LRRC4C: variants seen among roughly 807,000 people sequenced by gnomAD.
The protein encoded by LRRC4C is leucine rich repeat containing 4C.
A neutral mutation model predicts 33.6 loss-of-function variants in LRRC4C; 5 were observed. The observed-to-expected ratio is 0.15, with a 90% CI of 0.08 to 0.31. The LOEUF (loss-of-function observed/expected upper bound fraction) is 0.31. Among genes scored for constraint, LRRC4C ranks in the 10% least tolerant of loss-of-function variants. LRRC4C has a pLI of 1.00. For synonymous variants in LRRC4C, 329 were observed against 302.0 expected, an observed-to-expected ratio of 1.09 and a Z score of -0.93; for missense variants, 560 against 796.7, an observed-to-expected ratio of 0.70 and a Z score of 3.58.
At chr11:40,208,254 T>C (rs1863305851) in intron 5 of LRRC4C, among the ~76,000 whole-genome samples, 1 of 152,140 alleles carries the variant, frequency 6.6e-6, no homozygotes, top group Non-Finnish European at 1.5e-5. Flanking sequence ...CAAAATTACA[T>C]GGAGTAAACG....
chr11:41,026,224 TG>T lies in LRRC4C; in HGVS notation c.-495-92502del, dbSNP rs1856345847. 2.0e-5 allele frequency among the ~76,000 whole-genome samples: 3 copies of T among 151,828 alleles called. No individual in the cohort carries two copies. The South Asian group carries it at 6.2e-4, about 31-fold the overall frequency. ...TATTCTAGATGCCGTTAAGAACATT[TG>T]CAATTCATGGGAGGAGGCCAAAATA... On this transcript the variant is annotated intron_variant, in intron 1 of 6. Coordinates refer to ENST00000528697, the MANE Select transcript of LRRC4C (RefSeq NM_001258419.2).
At chr11:40,635,846 A>G (rs778059790) in intron 3 of LRRC4C, among the ~76,000 whole-genome samples, 2 of 151,572 alleles carry the variant, frequency 1.3e-5, no homozygotes, top group Non-Finnish European at 2.9e-5. Context: ...TCTCTGTGTT[A>G]GCCAGGAAGG....
chr11:41,078,467 C>G (rs1431262756), intron 1 of LRRC4C, among the ~76,000 whole-genome samples: 2 of 152,110 alleles, frequency 1.3e-5, no homozygotes, highest in East Asian at 3.9e-4. Flanking sequence ...ACAGGCTTAA[C>G]AAGAAGCAGG....
intron 5 of LRRC4C, among the ~76,000 whole-genome samples, chr11:40,188,117 G>GCT (rs1861553575): frequency 6.6e-6 from 1 of 152,168 alleles, no homozygotes; most frequent in Non-Finnish European, 1.5e-5. Flanking sequence ...GCATTAAGAA[G>GCT]ACAGTTTTAT....
chr11:40,643,861 A>G (rs977302939), intron 3 of LRRC4C, among the ~76,000 whole-genome samples: 13 of 152,216 alleles, frequency 8.5e-5, no homozygotes, highest in Admixed American at 2.0e-4. Context: ...CTACTAGAGC[A>G]ATATTGGAGA....
At chr11:41,168,048 A>T (rs1944806709) in intron 1 of LRRC4C, among the ~76,000 whole-genome samples, 1 of 152,162 alleles carries the variant, frequency 6.6e-6, no homozygotes, top group African/African-American at 2.4e-5. Context: ...GTCTGTGAAT[A>T]ATATGTTTAC....
At chr11:41,192,424 C>T (rs368602034) in intron 1 of LRRC4C, among the ~76,000 whole-genome samples, 11 of 123,284 alleles carry the variant, frequency 8.9e-5, no homozygotes, top group South Asian at 2.8e-4. Context: ...CACACACACA[C>T]ATATATATAC....
At chr11:40,702,518 AT>A (rs1945917291) in intron 2 of LRRC4C, among the ~76,000 whole-genome samples, 4 of 152,128 alleles carry the variant, frequency 2.6e-5, no homozygotes, top group Admixed American at 2.0e-4. Flanking sequence ...TACATAAAAA[AT>A]ATCCTTTCCA....
chr11:40,586,288 G>T (rs1354016786), intron 3 of LRRC4C, among the ~76,000 whole-genome samples: 2 of 151,310 alleles, frequency 1.3e-5, no homozygotes, highest in Non-Finnish European at 2.9e-5. Flanking sequence ...AGAAGCGTCT[G>T]TTCATGTCCT....
chr11:40,769,435 T>C (rs1281311770), intron 2 of LRRC4C, among the ~76,000 whole-genome samples: 1 of 152,130 alleles, frequency 6.6e-6, no homozygotes, highest in Non-Finnish European at 1.5e-5. Context: ...ATGCAATCTC[T>C]ACCAAAACAC....
chr11:41,045,405 T>C (rs901276197), intron 1 of LRRC4C, among the ~76,000 whole-genome samples: 2 of 152,130 alleles, frequency 1.3e-5, no homozygotes, highest in African/African-American at 4.8e-5. Context: ...TGAAAGCAAG[T>C]TAGTGGAAAG....
chr11:40,215,184 T>C (rs185418539), intron 5 of LRRC4C, among the ~76,000 whole-genome samples: 194 of 152,326 alleles, frequency 1.3e-3, no homozygotes, highest in African/African-American at 4.1e-3. Flanking sequence ...TTTCAAAAAA[T>C]ACTTTCACAG....
chr11:40,126,473 G>C (rs764651217), intron 6 of LRRC4C, among the ~76,000 whole-genome samples: 13 of 152,152 alleles, frequency 8.5e-5, no homozygotes, highest in Non-Finnish European at 1.3e-4. Context: ...GATTGTAAGA[G>C]AGGTAAATTA....
At chr11:41,275,088 C>T (rs1403913117) in intron 1 of LRRC4C, among the ~76,000 whole-genome samples, 2 of 152,126 alleles carry the variant, frequency 1.3e-5, no homozygotes, top group African/African-American at 2.4e-5. Context: ...CCCTATCTTG[C>T]TCCCTCTCGC....
intron 1 of LRRC4C, among the ~76,000 whole-genome samples, chr11:41,410,412 T>C (rs1298447031): frequency 6.6e-6 from 1 of 150,646 alleles, no homozygotes; most frequent in African/African-American, 2.5e-5. Flanking sequence ...GTTTTTTTTT[T>C]TTTCTTTTTT....
chr11:41,107,763 C>A (rs190870661), intron 1 of LRRC4C, among the ~76,000 whole-genome samples: 13 of 152,204 alleles, frequency 8.5e-5, no homozygotes, highest in African/African-American at 1.7e-4. Context: ...CATGGCGAAG[C>A]CCCACATCTA....
chr11:40,426,753 G>T lies in LRRC4C; in HGVS notation c.-269-107032C>A, dbSNP rs181722091. Among the ~76,000 whole-genome samples, 51 of 152,300 alleles carry T rather than the reference G, an allele frequency of 3.3e-4. 1 individual carries two copies. Among genetic ancestry groups the T allele is most frequent in the African/African-American group, 1.2e-3 (48 of 41,556 alleles). On this transcript the variant is annotated intron_variant, in intron 3 of 6. Transcript: ENST00000528697. ...AATAGTTCCAGGTATAGAGAAGTTT[G>T]TCCAAGAAATATTTGTTGAATGAAT...
intron 5 of LRRC4C, among the ~76,000 whole-genome samples, chr11:40,237,144 T>C (rs1165920626): frequency 6.6e-6 from 1 of 152,200 alleles, no homozygotes; most frequent in East Asian, 1.9e-4. Flanking sequence ...AGACAGGTCA[T>C]AGTCACATAA....
intron 3 of LRRC4C, among the ~76,000 whole-genome samples, chr11:40,616,476 C>T (rs1354339759): frequency 6.6e-6 from 1 of 151,722 alleles, no homozygotes; most frequent in South Asian, 2.1e-4. Context: ...TTTATTGCGG[C>T]ACTATTCACA....
Sources: allele counts gnomAD v4.1 joint callset (sites outside exome capture counted in the v4.1 genomes callset), GRCh38; gene constraint gnomAD v4.1.1; transcripts MANE v1.5; gene names NCBI Gene and HGNC (gene_info 2026-07-23, HGNC 2026-07-21).